Variants in NKIRAS1 observed in about 807,000 individuals in gnomAD.
NKIRAS1 encodes NF-kappa-B inhibitor-interacting Ras-like protein 1.
A neutral mutation model predicts 19.8 loss-of-function variants in NKIRAS1; 16 were observed. The observed-to-expected ratio is 0.81, with a 90% CI of 0.55 to 1.23. The LOEUF (loss-of-function observed/expected upper bound fraction) is 1.23. NKIRAS1 is among the 50% of genes most tolerant of loss of function. NKIRAS1 has a pLI of 0.00. For missense variants in NKIRAS1, 184 were observed against 220.0 expected, an observed-to-expected ratio of 0.84 and a Z score of 1.04; for synonymous variants, 88 against 79.0, an observed-to-expected ratio of 1.11 and a Z score of -0.61.
intron 4 of NKIRAS1, among the ~76,000 whole-genome samples, chr3:23,899,483 C>T (rs1172246565): frequency 2.6e-5 from 4 of 152,018 alleles, no homozygotes; most frequent in African/African-American, 9.7e-5. Context: ...TTTTTTTCTA[C>T]CATCTAGCCA....
chr3:23,912,841 G>C (rs538708912), intron 1 of NKIRAS1, among the ~76,000 whole-genome samples: 1 of 151,780 alleles, frequency 6.6e-6, no homozygotes, highest in Non-Finnish European at 1.5e-5. Flanking sequence ...CACATACGTC[G>C]GGCGCGGTGG....
intron 4 of NKIRAS1, among the ~76,000 whole-genome samples, chr3:23,898,392 G>A (rs1702187095): frequency 6.6e-6 from 1 of 151,488 alleles, no homozygotes. Flanking sequence ...TGAATCTCCA[G>A]AGGATATGTG....
intron 1 of NKIRAS1, among the ~76,000 whole-genome samples, chr3:23,937,999 T>A (rs1705428096): frequency 6.6e-6 from 1 of 152,172 alleles, no homozygotes. Context: ...GGTCTATATC[T>A]GAAATATCAT....
chr3:23,918,163 C>G (rs1472404569), upstream of NKIRAS1: 27 of 1,172,864 alleles, frequency 2.3e-5, no homozygotes, highest in African/African-American at 3.1e-5. Context: ...GCTAGCAACA[C>G]TGGTCAGTTA....
At chr3:23,936,538 A>G (rs6800186) in intron 1 of NKIRAS1, among the ~76,000 whole-genome samples, 53,530 of 151,908 alleles carry the variant, frequency 0.35, 9,883 homozygotes, top group Middle Eastern at 0.47. Context: ...GAGCCCGAAA[A>G]ACTGCTTTTT....
intron 3 of NKIRAS1, among the ~76,000 whole-genome samples, chr3:23,906,203 T>C (rs938514179): frequency 1.3e-5 from 2 of 148,662 alleles, no homozygotes; most frequent in African/African-American, 5.0e-5. Flanking sequence ...AAAGGGGAAG[T>C]TCCATGATGA....
At chr3:23,935,201 A>G (rs1387280546) in intron 1 of NKIRAS1, among the ~76,000 whole-genome samples, 1 of 114,944 alleles carries the variant, frequency 8.7e-6, no homozygotes, top group Non-Finnish European at 2.0e-5. Flanking sequence ...TTTATAATGA[A>G]TATTATTGTT....
At chr3:23,919,176 G>A, upstream of NKIRAS1, 2 of 1,571,116 alleles carry the variant, frequency 1.3e-6, no homozygotes. Context: ...ATTGACCTTG[G>A]GCCTTTTTTC....
intron 1 of NKIRAS1, chr3:23,923,639 AAG>A (rs1705155104): frequency 6.6e-6 from 1 of 152,258 alleles, no homozygotes; most frequent in South Asian, 2.1e-4. Context: ...CTATTACAAA[AAG>A]AAAAATGTGT....
intron 1 of NKIRAS1, chr3:23,945,680 T>A: frequency 2.7e-6 from 1 of 374,050 alleles, no homozygotes; most frequent in Non-Finnish European, 3.7e-6. Flanking sequence ...CGGCAGGGGG[T>A]GTCCCCATGG....
chr3:23,926,849 T>C lies in NKIRAS1; in HGVS notation c.-139-15399A>G, dbSNP rs1466476538. Among the ~76,000 whole-genome samples the C allele has an allele frequency of 6.6e-6, 1 of 152,222 alleles. No individual in the cohort carries two copies. On this transcript the variant is annotated intron_variant, in intron 1 of 4. Transcript: ENST00000421515. This position sits in a 1 kb window ranked among gnomAD's most constrained non-coding sequence, Gnocchi z 4.3. ...TGTTGGACCTTTGAAATCAGTTTTA[T>C]AAATATTCATCATTCAGAGAAGAAA...
intron 4 of NKIRAS1, among the ~76,000 whole-genome samples, chr3:23,898,889 T>G (rs1365820054): frequency 6.6e-6 from 1 of 152,150 alleles, no homozygotes; most frequent in Non-Finnish European, 1.5e-5. Context: ...TCCTGTCACA[T>G]CAGTGGCATG....
upstream of NKIRAS1, chr3:23,918,404 T>G: frequency 6.2e-7 from 1 of 1,605,202 alleles, no homozygotes; most frequent in Non-Finnish European, 8.5e-7. Flanking sequence ...TACGGCTTCC[T>G]ATAAAATCAC....
At chr3:23,905,006 CTAAA>C (rs1702885197) in intron 3 of NKIRAS1, among the ~76,000 whole-genome samples, 1 of 151,178 alleles carries the variant, frequency 6.6e-6, no homozygotes, top group Non-Finnish European at 1.5e-5. Context: ...ATTTTTTTTT[CTAAA>C]TAGAGATGGG....
rs951671228 is a variant in NKIRAS1, at chr3:23,905,691, C to T, written c.95-4642G>A. 2.6e-5 allele frequency among the ~76,000 whole-genome samples: 4 copies of T among 151,678 alleles called. No homozygotes were observed. In the East Asian group the frequency reaches 5.8e-4, roughly 22 times the overall value. Reference sequence around the variant, plus strand: ...TCTCAATTCGGAAGCCCCAGGGTCACGACTACGTCCCAGGTAGAGGGCATG... The same window carrying T: ...TCTCAATTCGGAAGCCCCAGGGTCATGACTACGTCCCAGGTAGAGGGCATG... On this transcript the variant is annotated intron_variant, in intron 3 of 4. Coordinates refer to ENST00000425478, the MANE Select transcript of NKIRAS1 (RefSeq NM_020345.4).
intron 4 of NKIRAS1, among the ~76,000 whole-genome samples, 156 bp downstream of exon 4, chr3:23,900,652 A>G (rs538163037): frequency 3.3e-5 from 5 of 151,618 alleles, no homozygotes; most frequent in South Asian, 2.1e-4. Flanking sequence ...AAAAAAAAAA[A>G]AAAAAGAAAA....
chr3:23,916,135 T>C (rs566427386), intron 1 of NKIRAS1: 10 of 152,274 alleles, frequency 6.6e-5, no homozygotes, highest in South Asian at 4.1e-4. Flanking sequence ...AAGAAAAATA[T>C]GATGTGGGAA....
At chr3:23,911,606 A>T (rs1047329312) in intron 1 of NKIRAS1, among the ~76,000 whole-genome samples, 156 bp from the exon 2 acceptor site, 1 of 152,230 alleles carries the variant, frequency 6.6e-6, no homozygotes, top group Non-Finnish European at 1.5e-5. Context: ...CTGCCTACTC[A>T]TCAATATTTA....
chr3:23,918,848 A>G (rs1704880181), upstream of NKIRAS1: 1 of 507,832 alleles, frequency 2.0e-6, no homozygotes, highest in East Asian at 3.3e-5. Context: ...AGCCTAAAAT[A>G]TATACTAAAT....
Sources: gnomAD v4.1 joint callset for allele counts (sites outside exome capture counted in the v4.1 genomes callset) on GRCh38, gnomAD v4.1.1 for gene constraint, Gnocchi (gnomAD v3.1) non-coding constraint, MANE v1.5 for transcripts, NCBI Gene and HGNC (gene_info 2026-07-23, HGNC 2026-07-21) for gene names.